Variants in DOCK1 observed in about 807,000 individuals in gnomAD.
The protein encoded by DOCK1 is dedicator of cytokinesis 1.
DOCK1 carries 138 observed loss-of-function variants against 262.7 expected under a neutral mutation model. The ratio of observed to expected loss-of-function variants is 0.53; its 90% CI spans 0.46 to 0.61. DOCK1 has a LOEUF of 0.61. DOCK1 is among the 20% of genes least tolerant of loss of function. The probability of loss-of-function intolerance (pLI) is 0.00; values close to 1 mark genes in which losing one functional copy is unlikely to be tolerated. For missense variants in DOCK1, 1,908 were observed against 2,370.7 expected (o/e 0.80, Z 4.05); for synonymous variants, 866 against 867.4 (o/e 1.00, Z 0.03).
At chr10:127,076,009 G>A (rs139043280) in intron 23 of DOCK1, among the ~76,000 whole-genome samples, 123 of 152,260 alleles carry the variant, frequency 8.1e-4, no homozygotes, top group African/African-American at 2.5e-3. Flanking sequence ...TGATACACTC[G>A]TGGCCAGCAC....
At chr10:127,182,452 G>A (rs375077747) in intron 27 of DOCK1, among the ~76,000 whole-genome samples, 2 of 152,228 alleles carry the variant, frequency 1.3e-5, no homozygotes, top group East Asian at 3.9e-4. Flanking sequence ...AAAAGAACCA[G>A]GGAATGGCCC....
rs563614888 is a variant in DOCK1, at chr10:127,260,951, CTG to C, written c.3044+3531_3044+3532del. Among the ~76,000 whole-genome samples, 553 of 73,698 alleles carry C rather than the reference CTG, an allele frequency of 7.5e-3. 22 individuals are homozygous for C. The highest frequency in any genetic ancestry group is 0.027 in the African/African-American group (526 of 19,306). 48.3% of individuals were successfully genotyped at this position (73,698 alleles called of 152,430 possible). A position where few individuals can be genotyped will look rare whatever the true frequency, so the allele number is the denominator to read the frequency against. ...GGTGTGTGTGTGTACCCGTGCTCAT[CTG>C]TGTGTGTGCATGTGGGTGTGTGTGT... On this transcript the variant is annotated intron_variant, in intron 29 of 51. Transcript: ENST00000623213.
At position 127,141,667 on chromosome 10, in the gene DOCK1, T is replaced by A. The variant is rs1395164308; in HGVS notation, c.2847+13903T>A. 3.3e-5 allele frequency among the ~76,000 whole-genome samples: 5 copies of A among 151,752 alleles called. No individual in the cohort carries two copies. The East Asian group carries it at 9.7e-4, about 29-fold the overall frequency. ...CCCTGGGTGACAGAGTGAGACTTTG[T>A]CTTTAAAACAAAAAAAAAAAAAAAG... On this transcript the variant is annotated intron_variant, in intron 27 of 51. Transcript: ENST00000623213.
intron 47 of DOCK1, among the ~76,000 whole-genome samples, chr10:127,429,001 G>GGGT (rs2069075476): frequency 7.3e-6 from 1 of 136,266 alleles, no homozygotes; most frequent in Non-Finnish European, 1.6e-5. Flanking sequence ...GTGTGGATTG[G>GGGT]GATGCCGTGT....
At chr10:127,347,511 G>A (rs1242603868) in intron 31 of DOCK1, among the ~76,000 whole-genome samples, 1 of 152,186 alleles carries the variant, frequency 6.6e-6, no homozygotes, top group East Asian at 1.9e-4. Flanking sequence ...AAAGGGCATG[G>A]CGCCATCTAC....
chr10:127,026,107 G>T (rs536819563), intron 15 of DOCK1: 3 of 486,098 alleles, frequency 6.2e-6, no homozygotes, highest in African/African-American at 4.0e-5. Flanking sequence ...AATGGTCAGA[G>T]CATTCAGAAA....
intron 40 of DOCK1, among the ~76,000 whole-genome samples, chr10:127,407,812 G>A (rs755441348): frequency 4.0e-5 from 6 of 151,878 alleles, no homozygotes; most frequent in African/African-American, 9.7e-5. Flanking sequence ...CAGCAACCAC[G>A]CCCCGTCCTG....
chr10:127,065,606 T>C (rs993747154), intron 23 of DOCK1, among the ~76,000 whole-genome samples: 6 of 152,136 alleles, frequency 3.9e-5, no homozygotes, highest in Admixed American at 6.6e-5. Flanking sequence ...AGAATCATCC[T>C]GTTTTTCCCA....
At chr10:127,143,113 C>G (rs553513069) in intron 27 of DOCK1, among the ~76,000 whole-genome samples, 2 of 152,172 alleles carry the variant, frequency 1.3e-5, no homozygotes, top group Non-Finnish European at 2.9e-5. Context: ...AATACTCAGG[C>G]CCTGCCACAG....
intron 29 of DOCK1, among the ~76,000 whole-genome samples, chr10:127,270,643 G>A (rs544877874): frequency 8.6e-4 from 130 of 151,966 alleles, no homozygotes; most frequent in Non-Finnish European, 1.5e-3. Context: ...GCAGTGGTGT[G>A]TAGGCAGGGG....
At chr10:126,988,897 A>AT (rs1443302072) in intron 5 of DOCK1, among the ~76,000 whole-genome samples, 1 of 151,928 alleles carries the variant, frequency 6.6e-6, no homozygotes, top group Non-Finnish European at 1.5e-5. Flanking sequence ...ACATGGTGAA[A>AT]CCCCGTCCCT....
At chr10:126,947,327 G>A (rs989506164) in intron 1 of DOCK1, among the ~76,000 whole-genome samples, 28 of 148,954 alleles carry the variant, frequency 1.9e-4, no homozygotes, top group Middle Eastern at 3.6e-3. Flanking sequence ...GGTGGTGGTT[G>A]GTAGTATTAC....
intron 31 of DOCK1, among the ~76,000 whole-genome samples, chr10:127,346,224 G>T (rs138556029): frequency 6.6e-6 from 1 of 152,204 alleles, no homozygotes; most frequent in Non-Finnish European, 1.5e-5. Context: ...CGAGCACCCC[G>T]CAAGCCCCAG....
chr10:127,293,766 G>A (rs1281118839), intron 29 of DOCK1, among the ~76,000 whole-genome samples: 1 of 152,208 alleles, frequency 6.6e-6, no homozygotes, highest in Non-Finnish European at 1.5e-5. Flanking sequence ...TAACGTGTTG[G>A]TGGCACCCAC....
chr10:127,296,251 A>G (rs1314358680), intron 29 of DOCK1, among the ~76,000 whole-genome samples: 1 of 152,206 alleles, frequency 6.6e-6, no homozygotes, highest in African/African-American at 2.4e-5. Context: ...CTTACAATGC[A>G]ACAAAGCATC....
At chr10:127,382,410 T>G (rs765559398) in intron 37 of DOCK1, among the ~76,000 whole-genome samples, 19 of 152,054 alleles carry the variant, frequency 1.2e-4, no homozygotes, top group Non-Finnish European at 2.2e-4. Flanking sequence ...GACCTGCGAG[T>G]ATGGAAATTT....
At chr10:127,008,961 T>C (rs960664337) in intron 11 of DOCK1, among the ~76,000 whole-genome samples, 157 bp downstream of exon 11, 6 of 152,220 alleles carry the variant, frequency 3.9e-5, no homozygotes, top group African/African-American at 4.8e-5. Flanking sequence ...TACATGGAAT[T>C]TTTTGTAGCC....
At chr10:127,400,680 G>C (rs1379631777) in intron 38 of DOCK1, among the ~76,000 whole-genome samples, 1 of 152,092 alleles carries the variant, frequency 6.6e-6, no homozygotes, top group Admixed American at 6.6e-5. Flanking sequence ...CAGGTGGCTG[G>C]ACATAGAGTA....
chr10:127,432,987 TC>T (rs1375535506), intron 47 of DOCK1, among the ~76,000 whole-genome samples: 1 of 152,228 alleles, frequency 6.6e-6, no homozygotes, highest in African/African-American at 2.4e-5. Context: ...CGGCACATTC[TC>T]CTGTGGCTTT....
Sources: gnomAD v4.1 joint callset for allele counts (sites outside exome capture counted in the v4.1 genomes callset) on GRCh38, gnomAD v4.1.1 for gene constraint, MANE v1.5 for transcripts, NCBI Gene and HGNC (gene_info 2026-07-23, HGNC 2026-07-21) for gene names.